SUSD4: variants seen among roughly 807,000 people sequenced by gnomAD.
The protein encoded by SUSD4 is sushi domain containing 4, also known as sushi domain-containing protein 4.
In SUSD4, 41 loss-of-function variants were observed where a neutral mutation model predicts 50.5. That is an observed-to-expected ratio of 0.81 (90% confidence interval 0.63 to 1.05). SUSD4 has a LOEUF of 1.05. Ranked by LOEUF, SUSD4 falls within the 50% of genes least tolerant of loss-of-function variation. SUSD4 has a pLI of 0.00. For synonymous variants in SUSD4, 257 were observed against 257.3 expected (o/e 1.00, Z 0.01); for missense variants, 580 against 634.7 (o/e 0.91, Z 0.93).
chr1:223,292,150 T>C (rs1477083379), intron 3 of SUSD4, among the ~76,000 whole-genome samples: 1 of 152,226 alleles, frequency 6.6e-6, no homozygotes, highest in Non-Finnish European at 1.5e-5. Context: ...GGCAGCCTAA[T>C]AATAAATACC....
At chr1:223,262,824 C>T (rs528771336) in intron 5 of SUSD4, among the ~76,000 whole-genome samples, 291 of 152,246 alleles carry the variant, frequency 1.9e-3, no homozygotes, top group South Asian at 6.2e-3. Context: ...GGAAAAAAGA[C>T]GCTAAGTGGC....
At chr1:223,283,252 G>A (rs899083627) in intron 3 of SUSD4, among the ~76,000 whole-genome samples, 1 of 152,160 alleles carries the variant, frequency 6.6e-6, no homozygotes, top group Non-Finnish European at 1.5e-5. Flanking sequence ...AAACTAAAGA[G>A]CTTCTGCACA....
intron 2 of SUSD4, among the ~76,000 whole-genome samples, chr1:223,343,279 T>G (rs962510788): frequency 6.6e-6 from 1 of 152,206 alleles, no homozygotes; most frequent in Admixed American, 6.5e-5. Context: ...CCCGCCCAGC[T>G]GGACCAAGTG....
At chr1:223,364,476 G>C (rs1669204545), upstream of SUSD4, among the ~76,000 whole-genome samples, 1 of 148,682 alleles carries the variant, frequency 6.7e-6, no homozygotes, top group Non-Finnish European at 1.5e-5. The surrounding 1 kb of genome is among the most constrained non-coding windows in gnomAD (Gnocchi z 4.5). Context: ...CGGGGACGGG[G>C]AAAGGGGCCC....
rs143993853 is a variant in SUSD4 at position 223,346,296 on chromosome 1, G to A, written c.148+16982C>T. ...TCCGTTCAGAAACTCTCAGTGGCTC[G>A]TCGATGGCCTCCTGAGGAATCAATA... On this transcript the variant is annotated intron_variant, in intron 2 of 8. Coordinates refer to ENST00000366878, the MANE Select transcript of SUSD4 (RefSeq NM_017982.4). 5.3e-5 allele frequency among the ~76,000 whole-genome samples: 8 copies of A among 152,234 alleles called. No individual in the cohort carries two copies. In the East Asian group the frequency reaches 1.4e-3, roughly 26 times the overall value.
chr1:223,280,681 G>T (rs1663648599), intron 3 of SUSD4, among the ~76,000 whole-genome samples: 1 of 151,950 alleles, frequency 6.6e-6, no homozygotes, highest in African/African-American at 2.4e-5. Context: ...AGACCAACGA[G>T]ACAGAAAGTT....
At chr1:223,238,172 C>T (rs1379267269) in intron 5 of SUSD4, among the ~76,000 whole-genome samples, 2 of 152,062 alleles carry the variant, frequency 1.3e-5, no homozygotes, top group East Asian at 3.9e-4. Context: ...CTCCTAATGT[C>T]CATGGGATCT....
chr1:223,300,601 C>G (rs1665125532), intron 2 of SUSD4, among the ~76,000 whole-genome samples: 1 of 152,092 alleles, frequency 6.6e-6, no homozygotes, highest in Non-Finnish European at 1.5e-5. Context: ...AGAACTAAGG[C>G]TGGGTTTCCA....
At chr1:223,346,858 G>A (rs1319663063) in intron 2 of SUSD4, among the ~76,000 whole-genome samples, 1 of 151,986 alleles carries the variant, frequency 6.6e-6, no homozygotes, top group East Asian at 1.9e-4. Context: ...CATGCCCTTG[G>A]TCCAGGCCAA....
intron 3 of SUSD4, among the ~76,000 whole-genome samples, chr1:223,274,744 T>G (rs1326854402): frequency 6.6e-6 from 1 of 152,196 alleles, no homozygotes; most frequent in Non-Finnish European, 1.5e-5. Flanking sequence ...AGCTATTCAC[T>G]TGGAGGGACT....
At chr1:223,316,176 A>G (rs1163763270) in intron 2 of SUSD4, among the ~76,000 whole-genome samples, 1 of 152,012 alleles carries the variant, frequency 6.6e-6, no homozygotes, top group African/African-American at 2.4e-5. Flanking sequence ...GCAACCCAAA[A>G]TGACTTGGGA....
At chr1:223,259,846 C>T (rs1156393267) in intron 5 of SUSD4, among the ~76,000 whole-genome samples, 1 of 152,012 alleles carries the variant, frequency 6.6e-6, no homozygotes, top group East Asian at 1.9e-4. Flanking sequence ...TTCCATATTC[C>T]CACCCTTCAA....
chr1:223,264,586 T>G lies in SUSD4; in HGVS notation c.724+44A>C, dbSNP rs1034705161. On this transcript the variant is annotated intron_variant, in intron 5 of 8. Transcript: ENST00000366878. The stretch of plus-strand genomic sequence containing the variant: ...CCTCCTACTGATCTTCTTCCTCCCT[T>G]TAATAATACAAAATACAACTTCCGA... 2.5e-6 allele frequency: 4 copies of G among 1,606,556 alleles called. No individual in the cohort carries two copies. The African/African-American group carries it at 5.4e-5, about 21-fold the overall frequency.
upstream of SUSD4, chr1:223,364,220 C>T (rs1457479331): frequency 1.2e-3 from 183 of 150,176 alleles, 2 homozygotes; most frequent in Non-Finnish European, 2.4e-4. The surrounding 1 kb of genome is among the most constrained non-coding windows in gnomAD (Gnocchi z 4.5). Context: ...CGCGCTCCCT[C>T]CCCAGGCGCC....
At chr1:223,352,290 T>C (rs968513674) in intron 2 of SUSD4, among the ~76,000 whole-genome samples, 2 of 152,192 alleles carry the variant, frequency 1.3e-5, no homozygotes, top group African/African-American at 4.8e-5. Flanking sequence ...CATCTGGAGA[T>C]GACAAGGGGC....
chr1:223,347,554 C>A (rs949232968), intron 2 of SUSD4, among the ~76,000 whole-genome samples: 10 of 138,754 alleles, frequency 7.2e-5, no homozygotes, highest in African/African-American at 2.8e-4. Context: ...TAAATCCCAG[C>A]CCCTACAGTA....
intron 5 of SUSD4, among the ~76,000 whole-genome samples, chr1:223,234,418 T>C (rs553092485): frequency 6.6e-6 from 1 of 152,340 alleles, no homozygotes; most frequent in South Asian, 2.1e-4. Context: ...TTGTGCATTT[T>C]ACATGCCTAA....
chr1:223,329,800 G>A (rs1044715060), intron 2 of SUSD4, among the ~76,000 whole-genome samples: 1 of 152,134 alleles, frequency 6.6e-6, no homozygotes, highest in Non-Finnish European at 1.5e-5. Flanking sequence ...ATAGAGAGAT[G>A]AATAGATAAA....
chr1:223,263,487 T>C (rs1214357937), intron 5 of SUSD4: 2 of 936,984 alleles, frequency 2.1e-6, no homozygotes, highest in Non-Finnish European at 1.3e-6. Flanking sequence ...CTGGCATCTC[T>C]AGGCTAGGCT....
Sources: gnomAD v4.1 joint callset for allele counts (sites outside exome capture counted in the v4.1 genomes callset) on GRCh38, gnomAD v4.1.1 for gene constraint, Gnocchi (gnomAD v3.1) non-coding constraint, MANE v1.5 for transcripts, NCBI Gene and HGNC (gene_info 2026-07-23, HGNC 2026-07-21) for gene names.